The following ANKIB1 variants were observed in gnomAD, a reference collection of about 807,000 sequenced individuals.
The protein encoded by ANKIB1 is ankyrin repeat and IBR domain-containing protein 1.
ANKIB1 carries 43 observed loss-of-function variants against 122.1 expected under a neutral mutation model. That is an observed-to-expected ratio of 0.35 (90% confidence interval 0.28 to 0.45). The LOEUF is 0.45. Ranked by LOEUF, ANKIB1 falls within the 20% of genes least tolerant of loss-of-function variation. The pLI, the probability that ANKIB1 is intolerant of heterozygous loss-of-function variation, is 1.00. For synonymous variants in ANKIB1, 390 were observed against 442.0 expected, an observed-to-expected ratio of 0.88 and a Z score of 1.48; for missense variants, 992 against 1,329.5, an observed-to-expected ratio of 0.75 and a Z score of 3.95.
At chr7:92,252,361 G>C (rs1012250068) in intron 1 of ANKIB1, among the ~76,000 whole-genome samples, 17 of 149,378 alleles carry the variant, frequency 1.1e-4, no homozygotes, top group African/African-American at 3.9e-4. Context: ...ATGCATATTA[G>C]TTGGTATTAT....
intron 5 of ANKIB1, among the ~76,000 whole-genome samples, chr7:92,329,438 A>T (rs1046033643): frequency 6.6e-6 from 1 of 152,194 alleles, no homozygotes; most frequent in African/African-American, 2.4e-5. Context: ...AGGCCCAAAA[A>T]TATGTGTTGT....
chr7:92,253,105 G>A (rs1294122330), intron 1 of ANKIB1, among the ~76,000 whole-genome samples: 2 of 152,144 alleles, frequency 1.3e-5, no homozygotes, highest in Admixed American at 1.3e-4. Context: ...CTGTACCTGT[G>A]TGTACATATT....
At chr7:92,300,859 T>C (rs760202643) in intron 2 of ANKIB1, among the ~76,000 whole-genome samples, 26 of 152,228 alleles carry the variant, frequency 1.7e-4, no homozygotes, top group Non-Finnish European at 1.6e-4. Context: ...CCCATTTTCT[T>C]TACCCCTGAC....
chr7:92,304,766 A>G (rs1428847022), intron 2 of ANKIB1, among the ~76,000 whole-genome samples: 1 of 152,190 alleles, frequency 6.6e-6, no homozygotes, highest in Non-Finnish European at 1.5e-5. Context: ...TAATTCAATC[A>G]TAAATACAAG....
intron 11 of ANKIB1, among the ~76,000 whole-genome samples, chr7:92,379,677 G>A (rs1260699316): frequency 6.6e-6 from 1 of 152,116 alleles, no homozygotes; most frequent in Admixed American, 6.5e-5. Context: ...GTGTGAGAAA[G>A]AATAAAGTTG....
intron 5 of ANKIB1, among the ~76,000 whole-genome samples, chr7:92,340,896 G>T (rs1412418034): frequency 6.6e-6 from 1 of 152,160 alleles, no homozygotes; most frequent in Non-Finnish European, 1.5e-5. Context: ...CCATTGTGAA[G>T]AAAATGCAAA....
intron 14 of ANKIB1, among the ~76,000 whole-genome samples, chr7:92,388,336 GTGGA>G (rs1461706936): frequency 6.6e-6 from 1 of 152,228 alleles, no homozygotes; most frequent in Admixed American, 6.5e-5. Context: ...GTTGGGAAAA[GTGGA>G]TGGGTACTAA....
chr7:92,303,086 T>C (rs1429032692), intron 2 of ANKIB1, among the ~76,000 whole-genome samples: 2 of 152,168 alleles, frequency 1.3e-5, no homozygotes, highest in Non-Finnish European at 1.5e-5. Flanking sequence ...GAGAAAGGCC[T>C]ATAAGATTTA....
At chr7:92,397,579 C>A in intron 18 of ANKIB1, 144 bp from the exon 19 acceptor site, 2 of 787,086 alleles carry the variant, frequency 2.5e-6, no homozygotes, top group East Asian at 2.6e-5. Context: ...TGAGAAATCC[C>A]AGAAAGATTA....
intron 10 of ANKIB1, among the ~76,000 whole-genome samples, chr7:92,364,347 T>TA (rs1180052983): frequency 2.8e-5 from 4 of 143,128 alleles, no homozygotes; most frequent in African/African-American, 7.8e-5. Flanking sequence ...AAAGCCTTTA[T>TA]AGATTGTGTT....
At chr7:92,397,645 A>C in intron 18 of ANKIB1, 78 bp from the exon 19 acceptor site, 1 of 1,552,182 alleles carries the variant, frequency 6.4e-7, no homozygotes, top group South Asian at 1.1e-5. Flanking sequence ...TGCCCATCTA[A>C]ACAACCAGAT....
At chr7:92,269,737 A>G (rs890519012) in intron 1 of ANKIB1, among the ~76,000 whole-genome samples, 8 of 152,044 alleles carry the variant, frequency 5.3e-5, no homozygotes, top group Non-Finnish European at 8.8e-5. Flanking sequence ...TCTTCCCTAT[A>G]ACTGAAAGTG....
chr7:92,392,216 A>C (rs757456752), intron 16 of ANKIB1, 25 bp from the exon 17 acceptor site: 7 of 1,600,142 alleles, frequency 4.4e-6, no homozygotes, highest in Non-Finnish European at 6.0e-6. Context: ...TATTAAATCA[A>C]ATGGTATGTC....
At chr7:92,389,644 C>G (rs1400174741) in intron 14 of ANKIB1, among the ~76,000 whole-genome samples, 1 of 152,102 alleles carries the variant, frequency 6.6e-6, no homozygotes, top group Non-Finnish European at 1.5e-5. Flanking sequence ...AGCCTAGAAC[C>G]TTTTGGTTGA....
At chr7:92,336,280 A>AT (rs952814487) in intron 5 of ANKIB1, among the ~76,000 whole-genome samples, 12 of 148,092 alleles carry the variant, frequency 8.1e-5, no homozygotes, top group Middle Eastern at 3.6e-3. Flanking sequence ...CACAGTAAAA[A>AT]TTTTTTTTTT....
intron 7 of ANKIB1, among the ~76,000 whole-genome samples, chr7:92,345,354 G>A (rs957698726): frequency 6.6e-6 from 1 of 152,128 alleles, no homozygotes; most frequent in South Asian, 2.1e-4. Flanking sequence ...TACATCTAAT[G>A]TAAATTTCAG....
At chr7:92,387,696 C>T in intron 12 of ANKIB1, 102 bp from the exon 13 acceptor site, 1 of 761,862 alleles carries the variant, frequency 1.3e-6, no homozygotes, top group Non-Finnish European at 2.1e-6. Flanking sequence ...TCTGAATGCA[C>T]TACTACCTAT....
chr7:92,396,330 G>T (rs1305995689), intron 17 of ANKIB1, 35 bp from the exon 18 acceptor site: 3 of 1,147,722 alleles, frequency 2.6e-6, no homozygotes, highest in Non-Finnish European at 3.8e-6. Flanking sequence ...AAAATTGCAT[G>T]CTCTCTTGTA....
chr7:92,339,940 A>T (rs1333445818), intron 5 of ANKIB1, among the ~76,000 whole-genome samples: 1 of 150,034 alleles, frequency 6.7e-6, no homozygotes, highest in Non-Finnish European at 1.5e-5. Flanking sequence ...TTTTTTTTTA[A>T]TGATGGCTCA....
Sources: allele counts gnomAD v4.1 joint callset (sites outside exome capture counted in the v4.1 genomes callset), GRCh38; gene constraint gnomAD v4.1.1; transcripts MANE v1.5; gene names NCBI Gene and HGNC (gene_info 2026-07-23, HGNC 2026-07-21).